Variants in SLCO2A1 observed in about 807,000 individuals in gnomAD.
SLCO2A1 encodes the protein solute carrier organic anion transporter family member 2A1.
A neutral mutation model predicts 71.7 loss-of-function variants in SLCO2A1; 60 were observed. That is an observed-to-expected ratio of 0.84 (90% CI 0.68 to 1.04). The LOEUF is 1.04. Among genes scored for constraint, SLCO2A1 ranks in the 50% least tolerant of loss-of-function variants. SLCO2A1 has a pLI of 0.00. For missense variants in SLCO2A1, 745 were observed against 813.4 expected (o/e 0.92, Z 1.02); for synonymous variants, 308 against 326.7 (o/e 0.94, Z 0.62).
chr3:133,987,449 G>A (rs1934742682), intron 1 of SLCO2A1, among the ~76,000 whole-genome samples: 1 of 151,880 alleles, frequency 6.6e-6, no homozygotes, highest in Admixed American at 6.6e-5. Context: ...CAGGTCTTTA[G>A]ATAAACTCAA....
At chr3:133,956,360 TC>T (rs1308192330) in intron 3 of SLCO2A1, among the ~76,000 whole-genome samples, 1 of 152,122 alleles carries the variant, frequency 6.6e-6, no homozygotes, top group Non-Finnish European at 1.5e-5. Context: ...CTTTCCCCTC[TC>T]CCCAGTCGCA....
chr3:133,989,216 T>C (rs1934782605), intron 1 of SLCO2A1, among the ~76,000 whole-genome samples: 1 of 152,254 alleles, frequency 6.6e-6, no homozygotes, highest in Non-Finnish European at 1.5e-5. Flanking sequence ...GAAAACTTTA[T>C]AACTGGGCCT....
intron 11 of SLCO2A1, 97 bp downstream of exon 11, chr3:133,942,508 G>C (rs3923834): frequency 1.4e-4 from 179 of 1,287,480 alleles, no homozygotes; most frequent in East Asian, 1.8e-4. Context: ...GCCACAAAAG[G>C]GGGGAGAGAT....
intron 1 of SLCO2A1, among the ~76,000 whole-genome samples, chr3:134,016,763 C>A (rs1935463635): frequency 6.6e-6 from 1 of 152,124 alleles, no homozygotes; most frequent in African/African-American, 2.4e-5. Flanking sequence ...TTGTAATAGC[C>A]CCCAACTGGA....
chr3:133,975,235 C>G (rs1433272257), intron 2 of SLCO2A1, among the ~76,000 whole-genome samples: 1 of 152,192 alleles, frequency 6.6e-6, no homozygotes, highest in African/African-American at 2.4e-5. Flanking sequence ...CTTCCTTCCT[C>G]CAAAACCCCA....
Position 133,987,403 on chromosome 3 carries a change from C to G in SLCO2A1, c.97-7785G>C, listed in dbSNP as rs537797694. 3.3e-5 allele frequency among the ~76,000 whole-genome samples: 5 copies of G among 152,102 alleles called. No individual in the cohort carries two copies. In the South Asian group the frequency reaches 1.0e-3, roughly 32 times the overall value. On this transcript the variant is annotated intron_variant, in intron 1 of 13. Transcript: ENST00000310926. The stretch of plus-strand genomic sequence containing the variant: ...GATAAAACCCTGGTCTCCACAACCT[C>G]TTATCGCAACCCAGACATTTCCTTT...
intron 1 of SLCO2A1, among the ~76,000 whole-genome samples, chr3:133,996,339 C>G (rs1934963167): frequency 6.6e-6 from 1 of 152,210 alleles, no homozygotes; most frequent in Non-Finnish European, 1.5e-5. Context: ...CTTCAAGAGT[C>G]TGTAATCAGA....
At position 133,934,556 on chromosome 3, in the gene SLCO2A1, T is replaced by G; in HGVS notation, c.*157A>C. 1.7e-6 allele frequency: 1 copy of G among 583,756 alleles called. No homozygotes were observed. The highest frequency in any genetic ancestry group is 3.1e-6 in the Non-Finnish European group (1 of 327,082). 36.2% of individuals were successfully genotyped at this position (583,756 alleles called of 1,614,324 possible). A position where few individuals can be genotyped will look rare whatever the true frequency, so the allele number is the denominator to read the frequency against. On this transcript the variant is annotated 3_prime_UTR_variant, in exon 14 of 14. Coordinates refer to ENST00000310926, the MANE Select transcript of SLCO2A1 (RefSeq NM_005630.3). ...GGCCCTTAGGAACTGTGGGGAGGACTCTGGGAGGAAGAGGTAGGGAAGGCA... is the reference window on the plus strand; with the variant it reads ...GGCCCTTAGGAACTGTGGGGAGGACGCTGGGAGGAAGAGGTAGGGAAGGCA...
chr3:133,978,455 G>A (rs1408205082), intron 2 of SLCO2A1, among the ~76,000 whole-genome samples: 1 of 152,144 alleles, frequency 6.6e-6, no homozygotes, highest in Non-Finnish European at 1.5e-5. Context: ...TCACTGCTAT[G>A]TGGACCATCA....
intron 3 of SLCO2A1, among the ~76,000 whole-genome samples, chr3:133,966,237 T>A (rs1934162884): frequency 6.6e-6 from 1 of 152,192 alleles, no homozygotes; most frequent in Non-Finnish European, 1.5e-5. Flanking sequence ...ACAGCAAAGT[T>A]GAATAATTTC....
chr3:134,001,659 G>A (rs571710496), intron 1 of SLCO2A1, among the ~76,000 whole-genome samples: 5 of 152,252 alleles, frequency 3.3e-5, no homozygotes, highest in African/African-American at 1.2e-4. Context: ...AAAGGTGGGA[G>A]AAACGGAATG....
intron 6 of SLCO2A1, among the ~76,000 whole-genome samples, chr3:133,950,130 G>A (rs2108043037): frequency 1.3e-5 from 2 of 152,052 alleles, no homozygotes; most frequent in South Asian, 4.2e-4. Flanking sequence ...CCTAAAGTGT[G>A]AGATTATACA....
chr3:134,017,361 CACTAGGA>C (rs1327554482), intron 1 of SLCO2A1, among the ~76,000 whole-genome samples: 4 of 152,144 alleles, frequency 2.6e-5, no homozygotes, highest in Non-Finnish European at 4.4e-5. Context: ...TTTTGTCTGG[CACTAGGA>C]ACTCAGCTGA....
intron 2 of SLCO2A1, among the ~76,000 whole-genome samples, chr3:133,975,107 T>A (rs753318706): frequency 3.9e-5 from 6 of 152,170 alleles, no homozygotes; most frequent in Non-Finnish European, 8.8e-5. Flanking sequence ...TTTATCTCCT[T>A]GGACTCTCAA....
rs1032959199 is a variant in SLCO2A1 at position 133,949,018 on chromosome 3, A to G, written c.862-47T>C. ...AGTGTTCACGGCCCAGGCTCACTGT[A>G]GCCACCCTTCCCTGAGCCCTTGAGT... On this transcript the variant is annotated intron_variant, in intron 6 of 13. Coordinates refer to ENST00000310926, the MANE Select transcript of SLCO2A1 (RefSeq NM_005630.3). 2.0e-6 allele frequency: 3 copies of G among 1,520,276 alleles called. No individual in the cohort carries two copies. The African/African-American group carries it at 4.1e-5, about 21-fold the overall frequency. The allele number at this position is 1,520,276 out of a possible 1,614,324, so 94.2% of individuals were successfully genotyped here. A position where few individuals can be genotyped will look rare whatever the true frequency, so the allele number is the denominator to read the frequency against.
At chr3:134,025,367 G>A (rs1935681265) in intron 1 of SLCO2A1, among the ~76,000 whole-genome samples, 1 of 152,108 alleles carries the variant, frequency 6.6e-6, no homozygotes, top group Non-Finnish European at 1.5e-5. Context: ...TGACCCATCT[G>A]AGCCTCCCAT....
At chr3:133,959,401 A>G (rs1933976819) in intron 3 of SLCO2A1, among the ~76,000 whole-genome samples, 1 of 152,020 alleles carries the variant, frequency 6.6e-6, no homozygotes, top group African/African-American at 2.4e-5. Context: ...TATTACCAAA[A>G]AAAAAAAAAA....
intron 2 of SLCO2A1, among the ~76,000 whole-genome samples, chr3:133,976,891 C>T (rs887355360): frequency 1.3e-5 from 2 of 152,212 alleles, no homozygotes; most frequent in Admixed American, 6.5e-5. Flanking sequence ...CTCTTCTTAA[C>T]TAAGTTCCTC....
At chr3:133,977,706 G>A (rs867553513) in intron 2 of SLCO2A1, among the ~76,000 whole-genome samples, 5 of 152,148 alleles carry the variant, frequency 3.3e-5, no homozygotes, top group South Asian at 4.2e-4. Context: ...CCGTGGTGAC[G>A]CAAATGTCGG....
Sources: gnomAD v4.1 joint callset for allele counts (sites outside exome capture counted in the v4.1 genomes callset) on GRCh38, gnomAD v4.1.1 for gene constraint, MANE v1.5 for transcripts, NCBI Gene and HGNC (gene_info 2026-07-23, HGNC 2026-07-21) for gene names.